Variants in MGAT4C observed in about 807,000 individuals in gnomAD.
MGAT4C encodes the protein alpha-1,3-mannosyl-glycoprotein 4-beta-N-acetylglucosaminyltransferase C.
Under a neutral mutation model 40.1 loss-of-function variants are expected in MGAT4C, and 19 were observed. The observed-to-expected ratio is 0.47, with a 90% CI of 0.33 to 0.70. The LOEUF (loss-of-function observed/expected upper bound fraction) is 0.70, where lower values mean the gene tolerates loss of function less well. MGAT4C is among the 30% of genes least tolerant of loss of function. The pLI, the probability that MGAT4C is intolerant of heterozygous loss-of-function variation, is 0.02. For missense variants in MGAT4C, 491 were observed against 563.2 expected (o/e 0.87, Z 1.30); for synonymous variants, 181 against 187.1 (o/e 0.97, Z 0.27).
intron 1 of MGAT4C, among the ~76,000 whole-genome samples, chr12:86,758,769 C>A (rs1951350441): frequency 6.6e-6 from 1 of 152,058 alleles, no homozygotes; most frequent in Admixed American, 6.6e-5. Flanking sequence ...ACCTCACAAA[C>A]TTCCACAAAC....
At chr12:86,663,483 A>C in intron 2 of MGAT4C, among the ~76,000 whole-genome samples, 1 of 152,166 alleles carries the variant, frequency 6.6e-6, no homozygotes, top group East Asian at 1.9e-4. Flanking sequence ...TACGTGTGAA[A>C]CTTAGTCATT....
intron 2 of MGAT4C, among the ~76,000 whole-genome samples, chr12:86,041,552 A>C (rs898068782): frequency 1.3e-5 from 2 of 152,116 alleles, no homozygotes; most frequent in African/African-American, 4.8e-5. Context: ...GAATTTATTG[A>C]TTTCTGCCTT....
Position 86,458,427 on chromosome 12 carries a change from T to G in MGAT4C, c.-228-23162A>C, listed in dbSNP as rs146072813. ...GTTCTCAGTATGGTATTATCCTGAA[T>G]CTACCTCAGCTATGTTCCTTTGGGC... On this transcript the variant is annotated intron_variant, in intron 2 of 7. Coordinates refer to the MGAT4C transcript ENST00000548651. 4.1e-4 allele frequency among the ~76,000 whole-genome samples: 63 copies of G among 152,304 alleles called. 1 individual carries two copies. Among genetic ancestry groups the G allele is most frequent in the African/African-American group, 1.4e-3 (57 of 41,580 alleles).
At chr12:86,043,082 A>G (rs1199631457) in intron 2 of MGAT4C, among the ~76,000 whole-genome samples, 1 of 152,070 alleles carries the variant, frequency 6.6e-6, no homozygotes, top group African/African-American at 2.4e-5. Flanking sequence ...AGTATCTCAC[A>G]AGGGTTCTCT....
intron 2 of MGAT4C, among the ~76,000 whole-genome samples, chr12:86,438,187 T>A (rs1957169878): frequency 6.6e-6 from 1 of 151,920 alleles, no homozygotes; most frequent in South Asian, 2.1e-4. Context: ...TCAAAACAAC[T>A]GTATTACAGA....
At chr12:86,244,451 C>G (rs1951930189) in intron 1 of MGAT4C, among the ~76,000 whole-genome samples, 1 of 152,126 alleles carries the variant, frequency 6.6e-6, no homozygotes, top group Non-Finnish European at 1.5e-5. Flanking sequence ...AATAGAGCTC[C>G]CCAAATTAAA....
chr12:86,572,577 A>G (rs1020851887), intron 2 of MGAT4C, among the ~76,000 whole-genome samples: 2 of 152,132 alleles, frequency 1.3e-5, no homozygotes, highest in African/African-American at 4.8e-5. Context: ...ATGTCTGTGT[A>G]GACATACTGA....
At chr12:86,246,885 A>G (rs903785692) in intron 1 of MGAT4C, among the ~76,000 whole-genome samples, 5 of 152,214 alleles carry the variant, frequency 3.3e-5, no homozygotes, top group South Asian at 2.1e-4. Context: ...CCTGCAATTT[A>G]AAGTGCAATT....
At chr12:86,738,340 T>C (rs1327930056) in intron 1 of MGAT4C, among the ~76,000 whole-genome samples, 1 of 151,462 alleles carries the variant, frequency 6.6e-6, no homozygotes, top group Non-Finnish European at 1.5e-5. Context: ...TTTTAATTCT[T>C]AGACTTAACA....
intron 1 of MGAT4C, among the ~76,000 whole-genome samples, chr12:86,073,622 C>T (rs562087428): frequency 3.3e-5 from 5 of 151,310 alleles, no homozygotes; most frequent in African/African-American, 4.8e-5. Flanking sequence ...GGAGTTAAGG[C>T]GACTCTTTAA....
At chr12:86,193,556 C>T (rs952826400) in intron 1 of MGAT4C, among the ~76,000 whole-genome samples, 1 of 152,044 alleles carries the variant, frequency 6.6e-6, no homozygotes, top group African/African-American at 2.4e-5. Flanking sequence ...CTTGAAGCTG[C>T]TGACAACAAA....
At chr12:86,388,688 T>G (rs1266227777) in intron 3 of MGAT4C, among the ~76,000 whole-genome samples, 3 of 148,308 alleles carry the variant, frequency 2.0e-5, no homozygotes, top group Non-Finnish European at 3.0e-5. Context: ...TTTTTTTTTT[T>G]TTTTTTTTTT....
Position 86,714,589 on chromosome 12 carries a change from C to G in MGAT4C, c.-229+12620G>C, listed in dbSNP as rs148587687. 3.1e-3 allele frequency among the ~76,000 whole-genome samples: 479 copies of G among 152,202 alleles called. 5 individuals are homozygous for G. Among genetic ancestry groups the G allele is most frequent in the African/African-American group, 0.011 (449 of 41,530 alleles). The stretch of plus-strand genomic sequence containing the variant: ...CACTTGGCTCTTCATTTGCTCTTTG[C>G]CTGCCACCATGTAAGACATACCTTT... On this transcript the variant is annotated intron_variant, in intron 2 of 7. Coordinates refer to the MGAT4C transcript ENST00000548651.
chr12:86,126,962 T>C (rs1880376703), intron 1 of MGAT4C, among the ~76,000 whole-genome samples: 1 of 152,188 alleles, frequency 6.6e-6, no homozygotes, highest in Admixed American at 6.5e-5. Flanking sequence ...ATTAAGTAGA[T>C]TCTTACATGG....
chr12:86,108,776 T>G (rs568854053), intron 1 of MGAT4C, among the ~76,000 whole-genome samples: 1 of 152,170 alleles, frequency 6.6e-6, no homozygotes, highest in Non-Finnish European at 1.5e-5. Context: ...ACCACCATCA[T>G]GAATATTTAT....
intron 2 of MGAT4C, among the ~76,000 whole-genome samples, chr12:86,698,851 A>G (rs1417066109): frequency 1.3e-5 from 2 of 152,122 alleles, no homozygotes; most frequent in Non-Finnish European, 2.9e-5. Context: ...GAAATTGCCT[A>G]GTGTTAGAGC....
At chr12:86,405,238 T>C (rs1332311082) in intron 3 of MGAT4C, among the ~76,000 whole-genome samples, 1 of 152,066 alleles carries the variant, frequency 6.6e-6, no homozygotes, top group Non-Finnish European at 1.5e-5. Context: ...CATGTTTATC[T>C]ACGTAAAATA....
intron 1 of MGAT4C, among the ~76,000 whole-genome samples, chr12:86,062,045 C>T (rs77557170): frequency 0.024 from 3,666 of 152,220 alleles, 153 homozygotes; most frequent in African/African-American, 0.083. Flanking sequence ...ATGGCCTCGT[C>T]GAGTGGCTCC....
intron 2 of MGAT4C, among the ~76,000 whole-genome samples, chr12:86,624,298 T>C (rs1962731485): frequency 6.6e-6 from 1 of 152,134 alleles, no homozygotes; most frequent in Non-Finnish European, 1.5e-5. Context: ...GCATTGTGTG[T>C]ACCCAGAAAA....
Sources: gnomAD v4.1 joint callset for allele counts (sites outside exome capture counted in the v4.1 genomes callset) on GRCh38, gnomAD v4.1.1 for gene constraint, MANE v1.5 for transcripts, NCBI Gene and HGNC (gene_info 2026-07-23, HGNC 2026-07-21) for gene names.